The following HACE1 variants were observed in gnomAD, a reference collection of about 807,000 sequenced individuals.
The protein encoded by HACE1 is HECT domain and ankyrin repeat containing E3 ubiquitin protein ligase 1.
In HACE1, 73 loss-of-function variants were observed where a neutral mutation model predicts 118.4. The ratio of observed to expected loss-of-function variants is 0.62; its 90% CI spans 0.51 to 0.75. The LOEUF is 0.75. Among genes scored for constraint, HACE1 ranks in the 30% least tolerant of loss-of-function variants. The probability of loss-of-function intolerance (pLI) is 0.00; values close to 1 mark genes in which losing one functional copy is unlikely to be tolerated. For missense variants in HACE1, 749 were observed against 1,102.2 expected, an observed-to-expected ratio of 0.68 and a Z score of 4.54; for synonymous variants, 368 against 374.8, an observed-to-expected ratio of 0.98 and a Z score of 0.21.
chr6:104,832,929 A>G, intron 6 of HACE1, 113 bp downstream of exon 6: 1 of 1,008,794 alleles, frequency 9.9e-7, no homozygotes, highest in Non-Finnish European at 1.5e-6. Context: ...TGCAGAAAAT[A>G]AGATTTTGCT....
rs993624999 is a variant in HACE1 at position 104,813,347 on chromosome 6, T to C, written c.535-1954A>G. Among the ~76,000 whole-genome samples the C allele has an allele frequency of 1.2e-4, 17 of 137,698 alleles. 2 individuals are homozygous for C. Among genetic ancestry groups the C allele is most frequent in the Non-Finnish European group, 3.1e-5 (2 of 64,154 alleles). 90.3% of individuals were successfully genotyped at this position (137,698 alleles called of 152,430 possible). A position where few individuals can be genotyped will look rare whatever the true frequency, so the allele number is the denominator to read the frequency against. On this transcript the variant is annotated intron_variant, in intron 6 of 23. Coordinates refer to ENST00000262903, the MANE Select transcript of HACE1 (RefSeq NM_020771.4). ...CACAACAAAATTTTAAAATTAGCCATGCATGGTGCTGCATGCAAGACGCTA... is the reference window on the plus strand; with the variant it reads ...CACAACAAAATTTTAAAATTAGCCACGCATGGTGCTGCATGCAAGACGCTA...
chr6:104,851,984 A>G (rs1776252869), intron 2 of HACE1, among the ~76,000 whole-genome samples: 2 of 152,242 alleles, frequency 1.3e-5, no homozygotes, highest in South Asian at 4.1e-4. Context: ...TTTACTATAA[A>G]GATCAGTAGT....
chr6:104,795,848 T>C (rs923336545), intron 9 of HACE1, among the ~76,000 whole-genome samples, 163 bp from the exon 10 acceptor site: 1 of 152,126 alleles, frequency 6.6e-6, no homozygotes, highest in Non-Finnish European at 1.5e-5. Flanking sequence ...GATATGATGA[T>C]ACATAATAAA....
intron 1 of HACE1, among the ~76,000 whole-genome samples, chr6:104,853,952 A>T (rs1030494529): frequency 5.9e-5 from 9 of 152,192 alleles, no homozygotes; most frequent in Admixed American, 2.0e-4. Flanking sequence ...ACAATAAATA[A>T]TAAATTAGGA....
rs372456611 is a variant in HACE1, at chr6:104,795,567, C to T, written c.923+12G>A. 6 of 1,491,058 alleles carry T rather than the reference C, an allele frequency of 4.0e-6. No homozygotes were observed. The highest frequency in any genetic ancestry group is 3.4e-5 in the South Asian group (3 of 88,546). 92.4% of individuals were successfully genotyped at this position (1,491,058 alleles called of 1,614,324 possible). On this transcript the variant is annotated intron_variant, in intron 10 of 23. Coordinates refer to ENST00000262903, the MANE Select transcript of HACE1 (RefSeq NM_020771.4). ...GCTACCTATTGATTTCCTCTTATTG[C>T]GAAACACTTACCTAAGCAGTTTATG...
rs376664186 is a variant in HACE1, at chr6:104,729,783, C to A, written c.2628-19G>T. ...GTTGATGCTTTAAAAGAAAAATATA[C>A]CACCATTAAACAGGAAATCTATAAA... On this transcript the variant is annotated intron_variant, in intron 23 of 23. Transcript: ENST00000262903. 1.5e-5 allele frequency: 15 copies of A among 1,008,630 alleles called. No individual in the cohort carries two copies. The African/African-American group carries it at 1.9e-4, about 13-fold the overall frequency. The allele number at this position is 1,008,630 out of a possible 1,614,324, so 62.5% of individuals were successfully genotyped here.
intron 11 of HACE1, chr6:104,787,333 T>C (rs1463458060): frequency 6.6e-6 from 1 of 152,214 alleles, no homozygotes; most frequent in Non-Finnish European, 1.5e-5. Flanking sequence ...TTGACAGATT[T>C]GGAGTCCCTG....
At chr6:104,741,964 T>G (rs953697545) in intron 22 of HACE1, among the ~76,000 whole-genome samples, 1 of 151,378 alleles carries the variant, frequency 6.6e-6, no homozygotes, top group African/African-American at 2.4e-5. Flanking sequence ...AAAACAGAAA[T>G]ATAGATCAAT....
chr6:104,769,566 T>C (rs1341056302), intron 19 of HACE1, among the ~76,000 whole-genome samples: 4 of 152,194 alleles, frequency 2.6e-5, no homozygotes, highest in African/African-American at 7.2e-5. Flanking sequence ...GCAAATCATA[T>C]AGGTTTAAAA....
In HACE1 at chr6:104,791,458, T is replaced by C. The variant is rs758966034; in HGVS notation, c.1074+46A>G. 4.3e-5 allele frequency: 65 copies of C among 1,523,838 alleles called. 1 individual carries two copies. The highest frequency in any genetic ancestry group is 1.8e-4 in the African/African-American group (13 of 73,162). 94.4% of individuals were successfully genotyped at this position (1,523,838 alleles called of 1,614,324 possible). On this transcript the variant is annotated intron_variant, in intron 11 of 23. Coordinates refer to ENST00000262903, the MANE Select transcript of HACE1 (RefSeq NM_020771.4). Reference sequence around the variant, plus strand: ...ATGAATGCATGCTTTGTCAAATTCATCTCTTTTACGTCTATCTTCCTAACA... The same window carrying C: ...ATGAATGCATGCTTTGTCAAATTCACCTCTTTTACGTCTATCTTCCTAACA...
rs1176477414 is a variant in HACE1 at position 104,849,210 on chromosome 6, C to T, written c.258G>A (p.Lys86=). Residue 86 remains lysine, a synonymous_variant, in exon 4 of 24, where the codon AAG becomes AAA. Coordinates refer to ENST00000262903, the MANE Select transcript of HACE1 (RefSeq NM_020771.4). ...CTTGATAGTTAGGATTTGCTCCTTT[C>T]TTTAACAGCAAAACCAAGCATTCCA... ...GSVECLVLLL[K]KGANPNYQDI... 3 of 1,610,540 alleles carry T rather than the reference C, an allele frequency of 1.9e-6. No individual in the cohort carries two copies. Among genetic ancestry groups the T allele is most frequent in the Admixed American group, 3.3e-5 (2 of 59,990 alleles).
At chr6:104,820,460 T>C (rs1270081944) in intron 6 of HACE1, among the ~76,000 whole-genome samples, 1 of 151,966 alleles carries the variant, frequency 6.6e-6, no homozygotes, top group East Asian at 1.9e-4. Flanking sequence ...AAGTCTAATA[T>C]CCAGCATCTA....
At chr6:104,750,227 G>T in intron 20 of HACE1, 114 bp downstream of exon 20, 1 of 860,814 alleles carries the variant, frequency 1.2e-6, no homozygotes, top group Middle Eastern at 3.0e-4. Context: ...AAACCATTTT[G>T]TCTCATTTAT....
At chr6:104,803,766 T>G (rs563150669) in intron 7 of HACE1, among the ~76,000 whole-genome samples, 1 of 152,286 alleles carries the variant, frequency 6.6e-6, no homozygotes, top group East Asian at 1.9e-4. Flanking sequence ...TCATACTGAA[T>G]GGGCAAAAAC....
intron 5 of HACE1, among the ~76,000 whole-genome samples, chr6:104,839,968 T>G (rs917171726): frequency 1.3e-5 from 2 of 152,164 alleles, no homozygotes; most frequent in Non-Finnish European, 2.9e-5. Context: ...ATTGCACTAC[T>G]GCACTCTAGC....
chr6:104,852,377 TA>T lies in HACE1; in HGVS notation c.77-7del, dbSNP rs748659354. The T allele has an allele frequency of 1.9e-5, 26 of 1,400,502 alleles. No homozygotes were observed. The highest frequency in any genetic ancestry group is 2.1e-5 in the Non-Finnish European group (21 of 1,021,084). The allele number at this position is 1,400,502 out of a possible 1,614,324, so 86.8% of individuals were successfully genotyped here. ...ATAAACAGCAGTTTCATTATCTGAG[TA>T]AAAAAAAACAAAGAGTTCATTTATC... On this transcript the variant is annotated splice_polypyrimidine_tract_variant and splice_region_variant and intron_variant, in intron 1 of 23. Transcript: ENST00000262903.
chr6:104,745,966 A>T (rs73768804), intron 20 of HACE1, among the ~76,000 whole-genome samples: 1 of 152,146 alleles, frequency 6.6e-6, no homozygotes, highest in African/African-American at 2.4e-5. Context: ...TTTCAACCAA[A>T]CAACATACCA....
intron 7 of HACE1, among the ~76,000 whole-genome samples, chr6:104,803,517 C>A (rs1159069303): frequency 1.3e-5 from 2 of 152,104 alleles, no homozygotes; most frequent in Non-Finnish European, 2.9e-5. Flanking sequence ...TTATCCACCA[C>A]GATCAAGTCG....
rs1252818250 is a variant in HACE1 at position 104,847,440 on chromosome 6, T to C, written c.326+1702A>G. Among the ~76,000 whole-genome samples, 3 of 152,196 alleles carry C rather than the reference T, an allele frequency of 2.0e-5. No homozygotes were observed. The East Asian group carries it at 5.8e-4, about 29-fold the overall frequency. The stretch of plus-strand genomic sequence containing the variant: ...GTGACACATTACAAGATATCTAACA[T>C]GGCTAATTATAAAAACAACTGTTTA... On this transcript the variant is annotated intron_variant, in intron 4 of 23. Transcript: ENST00000262903.
Sources: gnomAD v4.1 joint callset for allele counts (sites outside exome capture counted in the v4.1 genomes callset) on GRCh38, gnomAD v4.1.1 for gene constraint, MANE v1.5 for transcripts, NCBI Gene and HGNC (gene_info 2026-07-23, HGNC 2026-07-21) for gene names.